Variants in RBFOX1 observed in about 807,000 individuals in gnomAD.
RBFOX1 encodes RNA binding protein fox-1 homolog 1.
In RBFOX1, 8 loss-of-function variants were observed where a neutral mutation model predicts 57.7. The observed-to-expected ratio is 0.14, with a 90% confidence interval of 0.08 to 0.25. The LOEUF (loss-of-function observed/expected upper bound fraction) is 0.25. Among genes scored for constraint, RBFOX1 ranks in the 10% least tolerant of loss-of-function variants. RBFOX1 has a pLI of 1.00. For synonymous variants in RBFOX1, 326 were observed against 222.4 expected (o/e 1.47, Z -4.15); for missense variants, 611 against 548.5 (o/e 1.11, Z -1.14).
At chr16:6,081,324 C>A (rs777366212) in intron 1 of RBFOX1, among the ~76,000 whole-genome samples, 3 of 152,156 alleles carry the variant, frequency 2.0e-5, no homozygotes, top group African/African-American at 7.2e-5. Flanking sequence ...GGGCTCGTCC[C>A]CTGGGTGCTG....
intron 4 of RBFOX1, among the ~76,000 whole-genome samples, chr16:7,142,077 G>A (rs1255421084): frequency 1.3e-5 from 2 of 151,908 alleles, no homozygotes; most frequent in Non-Finnish European, 2.9e-5. Flanking sequence ...AGGCTGGAGT[G>A]CAGTGGTGTG....
intron 3 of RBFOX1, among the ~76,000 whole-genome samples, chr16:6,817,256 A>G (rs766108956): frequency 7.9e-5 from 12 of 152,158 alleles, no homozygotes; most frequent in Non-Finnish European, 1.6e-4. Context: ...ACACCCAGGT[A>G]ACATACTTCT....
chr16:7,332,529 A>G lies in RBFOX1; in HGVS notation c.28-185618A>G, dbSNP rs755700352. ...ATTTTAACTCGGAGGCGATAATCAC[A>G]TTAATTTACATTTCTCAGTTTATTT... On this transcript the variant is annotated intron_variant, in intron 4 of 15. Coordinates refer to ENST00000550418, the MANE Select transcript of RBFOX1 (RefSeq NM_018723.4). 4.5e-4 allele frequency among the ~76,000 whole-genome samples: 68 copies of G among 152,270 alleles called. 2 individuals carry two copies. The highest frequency in any genetic ancestry group is 2.4e-3 in the Admixed American group (36 of 15,278).
intron 1 of RBFOX1, among the ~76,000 whole-genome samples, chr16:5,456,357 G>T (rs1378489819): frequency 1.3e-5 from 2 of 152,170 alleles, no homozygotes; most frequent in African/African-American, 4.8e-5. Flanking sequence ...AACTCGCCTT[G>T]TCTGTCATCA....
At chr16:5,988,277 G>A (rs2060320782) in intron 4 of RBFOX1, among the ~76,000 whole-genome samples, 1 of 152,050 alleles carries the variant, frequency 6.6e-6, no homozygotes, top group Non-Finnish European at 1.5e-5. Flanking sequence ...GTCTGTAATT[G>A]AACATAATTA....
chr16:7,493,583 A>AGAG (rs1306548730), intron 4 of RBFOX1, among the ~76,000 whole-genome samples: 17 of 152,262 alleles, frequency 1.1e-4, no homozygotes, highest in Middle Eastern at 3.4e-3. Flanking sequence ...GTGTAGAGTC[A>AGAG]GAGTCAGAGA....
At chr16:7,372,065 T>C (rs74010676) in intron 4 of RBFOX1, among the ~76,000 whole-genome samples, 1,897 of 152,252 alleles carry the variant, frequency 0.012, 41 homozygotes, top group African/African-American at 0.044. Flanking sequence ...CTGATTACTT[T>C]TTACTGCCAT....
chr16:7,587,011 G>C (rs1263245293), intron 6 of RBFOX1, among the ~76,000 whole-genome samples: 3 of 152,150 alleles, frequency 2.0e-5, no homozygotes, highest in Admixed American at 6.5e-5. Context: ...AAGAAAAATA[G>C]AATTAACCTC....
intron 1 of RBFOX1, among the ~76,000 whole-genome samples, chr16:6,211,150 A>G (rs1352914973): frequency 1.4e-5 from 2 of 143,378 alleles, no homozygotes; most frequent in African/African-American, 2.6e-5. Flanking sequence ...CATGAGACAG[A>G]GTGTTTTTGC....
intron 1 of RBFOX1, among the ~76,000 whole-genome samples, chr16:6,024,308 G>A (rs367949896): frequency 2.0e-5 from 3 of 152,226 alleles, no homozygotes; most frequent in African/African-American, 4.8e-5. Context: ...GGGAAGCCGC[G>A]TCATAAGCAA....
chr16:7,543,163 CAG>C (rs1438256539), intron 5 of RBFOX1, among the ~76,000 whole-genome samples: 12 of 152,164 alleles, frequency 7.9e-5, no homozygotes, highest in African/African-American at 2.4e-4. Context: ...TGGTGTTTAA[CAG>C]ACACAACTCC....
intron 4 of RBFOX1, among the ~76,000 whole-genome samples, chr16:7,417,394 A>G (rs2098490715): frequency 6.7e-6 from 1 of 149,336 alleles, no homozygotes; most frequent in African/African-American, 2.5e-5. Context: ...AAAAAAAGAG[A>G]TGACCCCATA....
chr16:5,408,329 C>G (rs900894987), intron 1 of RBFOX1, among the ~76,000 whole-genome samples: 1 of 152,188 alleles, frequency 6.6e-6, no homozygotes, highest in Non-Finnish European at 1.5e-5. Context: ...TTCCCAATTT[C>G]GTGTTATATG....
At chr16:7,592,158 A>C (rs73488664) in intron 7 of RBFOX1, among the ~76,000 whole-genome samples, 3,692 of 152,138 alleles carry the variant, frequency 0.024, 137 homozygotes, top group African/African-American at 0.085. Flanking sequence ...TCAAATCTCA[A>C]CTCTAAATGA....
chr16:5,967,776 A>C (rs1436004884), intron 4 of RBFOX1, among the ~76,000 whole-genome samples: 1 of 152,128 alleles, frequency 6.6e-6, no homozygotes, highest in East Asian at 1.9e-4. Flanking sequence ...CAATATATAC[A>C]CACAGGCTCA....
chr16:7,646,363 C>G (rs568321337), intron 11 of RBFOX1, among the ~76,000 whole-genome samples: 1 of 152,296 alleles, frequency 6.6e-6, no homozygotes, highest in South Asian at 2.1e-4. Flanking sequence ...GGGAATCCTG[C>G]AAAACCATCA....
chr16:7,556,691 A>C (rs909514662), intron 5 of RBFOX1, among the ~76,000 whole-genome samples: 1 of 152,170 alleles, frequency 6.6e-6, no homozygotes, highest in Non-Finnish European at 1.5e-5. Context: ...TCTGCTAGCT[A>C]TATGGACCCC....
chr16:6,744,599 A>G (rs1042274105), intron 3 of RBFOX1, among the ~76,000 whole-genome samples: 2 of 152,098 alleles, frequency 1.3e-5, no homozygotes, highest in African/African-American at 4.8e-5. Context: ...TAACCTGTGG[A>G]TCGAAGAGAA....
chr16:6,367,023 G>A (rs1195716096), intron 2 of RBFOX1, among the ~76,000 whole-genome samples: 2 of 152,116 alleles, frequency 1.3e-5, no homozygotes, highest in African/African-American at 4.8e-5. Flanking sequence ...GCTGCCCATT[G>A]GTGCTTCACA....
Sources: gnomAD v4.1 joint callset for allele counts (sites outside exome capture counted in the v4.1 genomes callset) on GRCh38, gnomAD v4.1.1 for gene constraint, MANE v1.5 for transcripts, NCBI Gene and HGNC (gene_info 2026-07-23, HGNC 2026-07-21) for gene names.